RIOK1: variants seen among roughly 807,000 people sequenced by gnomAD.
The protein encoded by RIOK1 is serine/threonine-protein kinase RIO1.
Under a neutral mutation model 73.5 loss-of-function variants are expected in RIOK1, and 66 were observed. The ratio of observed to expected loss-of-function variants is 0.90; its 90% confidence interval spans 0.74 to 1.10. RIOK1 has a LOEUF of 1.10. Ranked by LOEUF, RIOK1 falls within the 50% of genes least tolerant of loss-of-function variation. The probability of loss-of-function intolerance (pLI) is 0.00; values close to 1 mark genes in which losing one functional copy is unlikely to be tolerated. For missense variants in RIOK1, 658 were observed against 699.8 expected, an observed-to-expected ratio of 0.94 and a Z score of 0.67; for synonymous variants, 224 against 226.8, an observed-to-expected ratio of 0.99 and a Z score of 0.11.
chr6:7,403,974 A>C lies in RIOK1; in HGVS notation c.801A>C (p.Pro267=). Residue 267 remains proline (P), a synonymous_variant, in exon 9 of 17, where the codon CCA becomes CCC. Coordinates refer to ENST00000379834, the MANE Select transcript of RIOK1 (RefSeq NM_031480.3). ...LNTAEIPCPE[P]IMLRSHVLVM... ...CAGCAGAGATACCATGTCCAGAACC[A>C]ATAATGCTAAGAAGTCATGTTCTTG... The C allele has an allele frequency of 6.2e-7, 1 of 1,612,628 alleles. No individual in the cohort carries two copies. The highest frequency in any genetic ancestry group is 8.5e-7 in the Non-Finnish European group (1 of 1,179,140).
At chr6:7,390,202 C>T (rs997665436) in intron 1 of RIOK1, 129 bp downstream of exon 1, 3 of 745,668 alleles carry the variant, frequency 4.0e-6, no homozygotes, top group African/African-American at 3.7e-5. Flanking sequence ...TCTTGACAAC[C>T]CTTTGCCTGT....
chr6:7,405,504 G>A (rs562008324), intron 12 of RIOK1, 149 bp downstream of exon 12: 4 of 518,852 alleles, frequency 7.7e-6, no homozygotes, highest in Admixed American at 3.7e-5. Flanking sequence ...TTGAGCATCC[G>A]AAATATCAAA....
intron 1 of RIOK1, among the ~76,000 whole-genome samples, chr6:7,390,476 C>T (rs528047234): frequency 6.6e-6 from 1 of 152,334 alleles, no homozygotes; most frequent in East Asian, 1.9e-4. Flanking sequence ...TGGAACTTTA[C>T]CTTCTACGTG....
intron 6 of RIOK1, 49 bp from the exon 7 acceptor site, chr6:7,402,554 T>C: frequency 7.4e-7 from 1 of 1,354,590 alleles, no homozygotes; most frequent in Non-Finnish European, 1.0e-6. Flanking sequence ...ATTGAAAAAG[T>C]GGTTATTTAA....
intron 12 of RIOK1, among the ~76,000 whole-genome samples, chr6:7,409,220 TG>T (rs1761827156): frequency 2.0e-5 from 1 of 49,556 alleles, no homozygotes; most frequent in East Asian, 7.9e-4. Context: ...TAATTGTGTG[TG>T]TGTGTGTGTG....
chr6:7,391,885 G>A (rs1343033535), intron 1 of RIOK1, among the ~76,000 whole-genome samples: 1 of 152,220 alleles, frequency 6.6e-6, no homozygotes, highest in Non-Finnish European at 1.5e-5. Context: ...CTGGTAAGTA[G>A]CAAGTGTTTG....
At chr6:7,400,336 A>C (rs1761579503) in intron 5 of RIOK1, among the ~76,000 whole-genome samples, 1 of 152,134 alleles carries the variant, frequency 6.6e-6, no homozygotes, top group South Asian at 2.1e-4. Context: ...CTAAGGAAAA[A>C]CAAGCTGTGG....
In RIOK1 at chr6:7,402,614, C is replaced by G. The variant is rs1472327625; in HGVS notation, c.585C>G (p.Tyr195Ter). ...CISTGKEANV[Y>*]HASTANGESR... The stretch of plus-strand genomic sequence containing the variant: ...TTGACTTAATATAGGCTAATGTATA[C>G]CATGCTAGCACAGCAAATGGAGAGA... The change falls in exon 7 of 17, where the codon TAC becomes TAG. Residue 195 changes from tyrosine to a stop codon, truncating the protein, a stop_gained. Transcript: ENST00000379834. LOFTEE classifies it high-confidence loss of function. 6.3e-7 allele frequency: 1 copy of G among 1,595,506 alleles called. No homozygotes were observed. Among genetic ancestry groups the G allele is most frequent in the Non-Finnish European group, 8.5e-7 (1 of 1,173,178 alleles).
At chr6:7,417,098 A>T (rs1021257741) in intron 16 of RIOK1, among the ~76,000 whole-genome samples, 2 of 151,336 alleles carry the variant, frequency 1.3e-5, no homozygotes, top group Admixed American at 1.3e-4. Context: ...TACCCCAAAA[A>T]AACCTAGCCA....
At chr6:7,411,986 G>A (rs73722207) in intron 14 of RIOK1, among the ~76,000 whole-genome samples, 3,944 of 152,240 alleles carry the variant, frequency 0.026, 67 homozygotes, top group Middle Eastern at 0.041. Flanking sequence ...ATTTGATGTG[G>A]GGCAGATAAT....
At chr6:7,406,478 C>T (rs1761749281) in intron 12 of RIOK1, among the ~76,000 whole-genome samples, 1 of 152,164 alleles carries the variant, frequency 6.6e-6, no homozygotes, top group African/African-American at 2.4e-5. Context: ...ATATTCTGTA[C>T]CCATTAAGTA....
intron 16 of RIOK1, among the ~76,000 whole-genome samples, chr6:7,415,142 G>A (rs991138070): frequency 6.6e-6 from 1 of 152,152 alleles, no homozygotes; most frequent in African/African-American, 2.4e-5. Flanking sequence ...AAGTGGAAAG[G>A]TGACCATTCT....
At chr6:7,402,468 A>G in intron 6 of RIOK1, 135 bp from the exon 7 acceptor site, 1 of 595,658 alleles carries the variant, frequency 1.7e-6, no homozygotes, top group Non-Finnish European at 2.9e-6. Context: ...ATTTTAATTC[A>G]CATATTCAAA....
chr6:7,414,474 T>A, intron 16 of RIOK1, 84 bp downstream of exon 16: 1 of 1,241,358 alleles, frequency 8.1e-7, no homozygotes. Flanking sequence ...TCTAGCTAGA[T>A]TATGATGGCT....
chr6:7,411,522 G>A (rs1761883112), intron 14 of RIOK1, 71 bp downstream of exon 14: 1 of 1,528,414 alleles, frequency 6.5e-7, no homozygotes, highest in Non-Finnish European at 9.0e-7. Flanking sequence ...AACCTATCTG[G>A]GCCTTTTAAG....
intron 14 of RIOK1, 35 bp downstream of exon 14, chr6:7,411,486 T>C (rs775654016): frequency 6.2e-7 from 1 of 1,611,952 alleles, no homozygotes; most frequent in East Asian, 2.2e-5. Context: ...CAAGCAGCTC[T>C]TCAAAAGTAG....
chr6:7,405,200 T>C, intron 11 of RIOK1, 49 bp from the exon 12 acceptor site: 1 of 1,246,762 alleles, frequency 8.0e-7, no homozygotes. Flanking sequence ...GTTGGAATAA[T>C]AATATTTTTC....
intron 10 of RIOK1, 71 bp downstream of exon 10, chr6:7,404,626 C>G (rs1469828494): frequency 6.5e-7 from 1 of 1,545,012 alleles, no homozygotes; most frequent in African/African-American, 1.4e-5. Context: ...AAACAAAATC[C>G]CAATCCAAGA....
At chr6:7,416,605 G>A (rs1052565052) in intron 16 of RIOK1, among the ~76,000 whole-genome samples, 1 of 145,332 alleles carries the variant, frequency 6.9e-6, no homozygotes, top group Admixed American at 7.2e-5. Context: ...CCGAGATCAC[G>A]CCACTGCATG....
Sources: gnomAD v4.1 joint callset for allele counts (sites outside exome capture counted in the v4.1 genomes callset) on GRCh38, gnomAD v4.1.1 for gene constraint, MANE v1.5 for transcripts, NCBI Gene and HGNC (gene_info 2026-07-23, HGNC 2026-07-21) for gene names.